Variants in CDH13 observed in about 807,000 individuals in gnomAD.
CDH13 encodes the protein cadherin-13.
CDH13 carries 24 observed loss-of-function variants against 63.8 expected under a neutral mutation model. That is an observed-to-expected ratio of 0.38 (90% CI 0.27 to 0.53). The LOEUF (loss-of-function observed/expected upper bound fraction) is 0.53, where lower values mean the gene tolerates loss of function less well. Ranked by LOEUF, CDH13 falls within the 20% of genes least tolerant of loss-of-function variation. The pLI, the probability that CDH13 is intolerant of heterozygous loss-of-function variation, is 0.85. For synonymous variants in CDH13, 503 were observed against 355.3 expected (o/e 1.42, Z -4.67); for missense variants, 1,049 against 903.1 (o/e 1.16, Z -2.07).
intron 1 of CDH13, among the ~76,000 whole-genome samples, chr16:82,645,360 G>A (rs1008610412): frequency 6.6e-5 from 10 of 152,158 alleles, no homozygotes; most frequent in Non-Finnish European, 1.2e-4. Context: ...TCCTTCTGAC[G>A]TCTATCCGTG....
chr16:82,678,319 C>CTT (rs11369498), intron 1 of CDH13, among the ~76,000 whole-genome samples: 1,625 of 144,766 alleles, frequency 0.011, 21 homozygotes, highest in African/African-American at 0.024. Context: ...ACAGAAAAAA[C>CTT]TTTTTTTTTT....
chr16:83,437,250 T>G (rs1471373604), intron 6 of CDH13, among the ~76,000 whole-genome samples: 2 of 152,226 alleles, frequency 1.3e-5, no homozygotes, highest in South Asian at 2.1e-4. Flanking sequence ...TGTCTCAGTT[T>G]CCTTCTTTGT....
Position 83,084,744 on chromosome 16 carries a change from C to T in CDH13, c.367-40641C>T, listed in dbSNP as rs2033472605. Among the ~76,000 whole-genome samples the T allele has an allele frequency of 2.0e-5, 3 of 152,086 alleles. No individual in the cohort carries two copies. In the South Asian group the frequency reaches 6.2e-4, roughly 32 times the overall value. On this transcript the variant is annotated intron_variant, in intron 3 of 13. Coordinates refer to ENST00000567109, the MANE Select transcript of CDH13 (RefSeq NM_001257.5). ...CCTCTACTAAAAATATAAAAATTAG[C>T]CAGGTGTGGTGGCAGCACCTGTAAT...
chr16:83,055,039 A>G (rs1454513284), intron 3 of CDH13, among the ~76,000 whole-genome samples: 1 of 152,106 alleles, frequency 6.6e-6, no homozygotes, highest in Non-Finnish European at 1.5e-5. Flanking sequence ...CAAAAAAACT[A>G]AAGGATCCCC....
rs534096635 is a variant in CDH13 at position 83,122,894 on chromosome 16, C to T, written c.367-2491C>T. ...CATCACCCAAAGAGTGAACGTTGTA[C>T]CCAACAGGTGATTTTTCAGCTCTCA... On this transcript the variant is annotated intron_variant, in intron 3 of 13. Transcript: ENST00000567109. 6.5e-4 allele frequency among the ~76,000 whole-genome samples: 99 copies of T among 152,092 alleles called. 2 individuals carry two copies. In the South Asian group the frequency reaches 0.02, roughly 31 times the overall value.
At chr16:83,771,644 G>T (rs1914770522) in intron 11 of CDH13, among the ~76,000 whole-genome samples, 1 of 152,210 alleles carries the variant, frequency 6.6e-6, no homozygotes, top group African/African-American at 2.4e-5. Flanking sequence ...ACTTGCCATT[G>T]TATGGCAGCA....
At chr16:83,307,475 G>A (rs1299385488) in intron 5 of CDH13, among the ~76,000 whole-genome samples, 2 of 152,304 alleles carry the variant, frequency 1.3e-5, no homozygotes, top group African/African-American at 4.8e-5. Context: ...CTGTAGTTGT[G>A]TGGGCAGTTC....
At chr16:83,598,094 A>G (rs1228651206) in intron 7 of CDH13, among the ~76,000 whole-genome samples, 1 of 152,232 alleles carries the variant, frequency 6.6e-6, no homozygotes, top group Non-Finnish European at 1.5e-5. Context: ...GACCAGGTGC[A>G]GTGGCTCATG....
Position 83,367,065 on chromosome 16 carries a change from A to G in CDH13, c.781+22059A>G, listed in dbSNP as rs79561355. Among the ~76,000 whole-genome samples, 46 of 152,296 alleles carry G rather than the reference A, an allele frequency of 3.0e-4. No homozygotes were observed. In the East Asian group the frequency reaches 8.7e-3, roughly 29 times the overall value. On this transcript the variant is annotated intron_variant, in intron 6 of 13. Coordinates refer to ENST00000567109, the MANE Select transcript of CDH13 (RefSeq NM_001257.5). ...AGTTACACAATCATCGCCACAATCA[A>G]TTTTAGAACATTTAATGACTCCCAA...
intron 5 of CDH13, among the ~76,000 whole-genome samples, chr16:83,268,204 T>C (rs545437005): frequency 1.3e-5 from 2 of 152,320 alleles, no homozygotes; most frequent in Admixed American, 1.3e-4. Context: ...GCAGTTTGTC[T>C]TTAGAACAGT....
chr16:83,358,695 C>T (rs974060335), intron 6 of CDH13, among the ~76,000 whole-genome samples: 1 of 152,122 alleles, frequency 6.6e-6, no homozygotes, highest in African/African-American at 2.4e-5. Context: ...CCCACTTACA[C>T]CTCTGTATGC....
At chr16:82,764,752 CTT>C (rs2034985263) in intron 1 of CDH13, among the ~76,000 whole-genome samples, 1 of 151,250 alleles carries the variant, frequency 6.6e-6, no homozygotes, top group Non-Finnish European at 1.5e-5. Flanking sequence ...CCCTTTATCT[CTT>C]TATCTTGTGA....
intron 7 of CDH13, among the ~76,000 whole-genome samples, chr16:83,587,018 A>G (rs1434365867): frequency 1.3e-5 from 2 of 152,116 alleles, no homozygotes; most frequent in East Asian, 3.9e-4. Flanking sequence ...TTGCTGATTT[A>G]TTACTCTCTC....
At chr16:83,265,528 C>G (rs1172736963) in intron 5 of CDH13, among the ~76,000 whole-genome samples, 1 of 152,062 alleles carries the variant, frequency 6.6e-6, no homozygotes. Flanking sequence ...TATCTTATGA[C>G]CACTCTGTTG....
intron 1 of CDH13, among the ~76,000 whole-genome samples, chr16:82,665,154 T>G (rs1912437724): frequency 6.6e-6 from 1 of 152,208 alleles, no homozygotes; most frequent in Admixed American, 6.5e-5. Flanking sequence ...AATATCCTTT[T>G]CATGAACCAT....
chr16:83,178,487 A>G (rs1004721315), intron 4 of CDH13, among the ~76,000 whole-genome samples: 2 of 152,214 alleles, frequency 1.3e-5, no homozygotes, highest in African/African-American at 4.8e-5. Context: ...TTATAGAATT[A>G]TAAGAATATT....
At chr16:82,804,310 C>G (rs920747006) in intron 1 of CDH13, among the ~76,000 whole-genome samples, 1 of 126,550 alleles carries the variant, frequency 7.9e-6, no homozygotes, top group Non-Finnish European at 1.8e-5. Flanking sequence ...CACACACACA[C>G]ACGCACACAC....
chr16:83,419,547 CA>C (rs1335076244), intron 6 of CDH13, among the ~76,000 whole-genome samples: 10 of 152,146 alleles, frequency 6.6e-5, no homozygotes, highest in Non-Finnish European at 1.2e-4. Context: ...GAACAATTGC[CA>C]TGCTCTACCA....
chr16:82,993,599 A>T (rs1286924178), intron 2 of CDH13, among the ~76,000 whole-genome samples: 1 of 152,206 alleles, frequency 6.6e-6, no homozygotes, highest in East Asian at 1.9e-4. Flanking sequence ...ATAGCAAATA[A>T]TTGCAGCTGA....
Sources: gnomAD v4.1 joint callset for allele counts (sites outside exome capture counted in the v4.1 genomes callset) on GRCh38, gnomAD v4.1.1 for gene constraint, MANE v1.5 for transcripts, NCBI Gene and HGNC (gene_info 2026-07-23, HGNC 2026-07-21) for gene names.